Variants in METAP2 observed in about 807,000 individuals in gnomAD.
METAP2 encodes methionyl aminopeptidase 2.
Under a neutral mutation model 59.4 loss-of-function variants are expected in METAP2, and 25 were observed. That is an observed-to-expected ratio of 0.42 (90% CI 0.31 to 0.59). METAP2 has a LOEUF of 0.59. Among genes scored for constraint, METAP2 ranks in the 20% least tolerant of loss-of-function variants. The pLI is 0.16. For missense variants in METAP2, 366 were observed against 581.2 expected (o/e 0.63, Z 3.81); for synonymous variants, 214 against 194.1 (o/e 1.10, Z -0.85).
intron 8 of METAP2, among the ~76,000 whole-genome samples, chr12:95,511,486 G>A (rs2076402668): frequency 6.9e-6 from 1 of 144,456 alleles, no homozygotes; most frequent in South Asian, 2.4e-4. Context: ...CCGCTTCCCG[G>A]GTTCAAGTGA....
intron 3 of METAP2, 47 bp from the exon 4 acceptor site, chr12:95,485,829 TTAA>T: frequency 8.0e-7 from 1 of 1,254,676 alleles, no homozygotes; most frequent in Non-Finnish European, 1.1e-6. Context: ...TAATAACTGC[TTAA>T]TTTTATTTTT....
rs905975444 is a variant in METAP2, at chr12:95,515,699, A to C, written c.*1795A>C. ...ATGATCTTGTAAGTAGGAAAGCTGT[A>C]ACTAAAAATTGTATTGTTTGCTTAT... On this transcript the variant is annotated 3_prime_UTR_variant, in exon 11 of 11. Transcript: ENST00000323666. 3.3e-5 allele frequency: 5 copies of C among 152,210 alleles called. No individual in the cohort carries two copies. The highest frequency in any genetic ancestry group is 1.2e-4 in the African/African-American group (5 of 41,452). The allele number at this position is 152,210 out of a possible 1,614,324, so 9.4% of individuals were successfully genotyped here.
intron 8 of METAP2, among the ~76,000 whole-genome samples, chr12:95,510,307 A>T (rs1352418718): frequency 6.6e-6 from 1 of 152,214 alleles, no homozygotes; most frequent in Non-Finnish European, 1.5e-5. Context: ...GTGCTGCTAC[A>T]GCAGAATACC....
intron 4 of METAP2, among the ~76,000 whole-genome samples, chr12:95,488,957 G>A (rs1010855129): frequency 1.3e-5 from 2 of 152,088 alleles, no homozygotes; most frequent in Non-Finnish European, 2.9e-5. Context: ...ATTAGTTTCT[G>A]AAAATTGACA....
intron 4 of METAP2, among the ~76,000 whole-genome samples, chr12:95,487,995 T>C (rs2076210018): frequency 6.6e-6 from 1 of 152,196 alleles, no homozygotes; most frequent in African/African-American, 2.4e-5. Context: ...GCTGGATATG[T>C]AGGTATTTTT....
chr12:95,507,931 C>T (rs568152941), intron 8 of METAP2, among the ~76,000 whole-genome samples: 3 of 150,608 alleles, frequency 2.0e-5, no homozygotes, highest in African/African-American at 4.9e-5. Context: ...TGCGCCACCA[C>T]GCCCAGCAAT....
In METAP2 at chr12:95,514,195, A is replaced by G. The variant is rs1437260921; in HGVS notation, c.*291A>G. The G allele has an allele frequency of 2.9e-6, 1 of 349,086 alleles. No homozygotes were observed. Among genetic ancestry groups the G allele is most frequent in the East Asian group, 4.9e-5 (1 of 20,272 alleles). The allele number at this position is 349,086 out of a possible 1,614,324, so 21.6% of individuals were successfully genotyped here. A position where few individuals can be genotyped will look rare whatever the true frequency, so the allele number is the denominator to read the frequency against. ...CTTATACGTTTTGTTTTGAATACCT[A>G]AGAGATACTTTTTGGATATTTATAT... On this transcript the variant is annotated 3_prime_UTR_variant, in exon 11 of 11. Coordinates refer to ENST00000323666, the MANE Select transcript of METAP2 (RefSeq NM_006838.4).
Position 95,484,590 on chromosome 12 carries a change from T to C in METAP2, c.326-1289T>C, listed in dbSNP as rs183271984. ...GGAGTGTTGTTAGAGGACTGTTTTA[T>C]ATTTGCCCTTGACAGAATTCTTCTG... On this transcript the variant is annotated intron_variant, in intron 3 of 10. Transcript: ENST00000323666. Among the ~76,000 whole-genome samples the C allele has an allele frequency of 2.9e-3, 445 of 152,300 alleles. 5 individuals carry two copies. Among genetic ancestry groups the C allele is most frequent in the Non-Finnish European group, 5.9e-4 (40 of 68,030 alleles).
At chr12:95,502,789 CCTTAT>C (rs1399737811) in intron 7 of METAP2, among the ~76,000 whole-genome samples, 1 of 151,684 alleles carries the variant, frequency 6.6e-6, no homozygotes, top group Non-Finnish European at 1.5e-5. Context: ...TTTCCCTTGT[CCTTAT>C]CTTCAGGTTT....
intron 2 of METAP2, chr12:95,482,017 A>G (rs1269636978): frequency 2.8e-6 from 1 of 360,652 alleles, no homozygotes; most frequent in African/African-American, 2.1e-5. Context: ...ACAGTGCACG[A>G]TATGTGAATT....
intron 3 of METAP2, chr12:95,484,705 G>T: frequency 2.8e-6 from 1 of 361,332 alleles, no homozygotes; most frequent in South Asian, 2.2e-5. Flanking sequence ...TTCTTTATGA[G>T]GTACTCTTTT....
rs548077007 is a variant in METAP2 at position 95,507,932 on chromosome 12, G to A, written c.964+3771G>A. On this transcript the variant is annotated intron_variant, in intron 8 of 10. Coordinates refer to ENST00000323666, the MANE Select transcript of METAP2 (RefSeq NM_006838.4). ...TAGCTGGGATTACATGCGCCACCACGCCCAGCAATTTTTTTTTTTTTTTTT... is the reference window on the plus strand; with the variant it reads ...TAGCTGGGATTACATGCGCCACCACACCCAGCAATTTTTTTTTTTTTTTTT... Among the ~76,000 whole-genome samples the A allele has an allele frequency of 9.6e-3, 1,417 of 147,414 alleles. 10 individuals carry two copies. Among genetic ancestry groups the A allele is most frequent in the Non-Finnish European group, 0.015 (977 of 67,300 alleles).
At chr12:95,484,813 A>T (rs1423541516) in intron 3 of METAP2, 2 of 446,140 alleles carry the variant, frequency 4.5e-6, no homozygotes, top group Non-Finnish European at 8.9e-6. Flanking sequence ...ATTTTTTTTT[A>T]ATGTTGGCTA....
intron 2 of METAP2, among the ~76,000 whole-genome samples, chr12:95,476,742 C>T (rs1050769531): frequency 7.2e-5 from 11 of 152,052 alleles, no homozygotes; most frequent in Non-Finnish European, 1.3e-4. Context: ...TGGTAGAAGG[C>T]AAAGTAGTGA....
intron 3 of METAP2, among the ~76,000 whole-genome samples, chr12:95,485,381 GATAA>G (rs1428969666): frequency 1.3e-5 from 2 of 152,074 alleles, no homozygotes; most frequent in African/African-American, 2.4e-5. Context: ...AAGTTGGAGT[GATAA>G]ATACTTTGAC....
intron 4 of METAP2, among the ~76,000 whole-genome samples, chr12:95,487,337 A>G (rs2076204722): frequency 6.6e-6 from 1 of 152,034 alleles, no homozygotes; most frequent in Admixed American, 6.6e-5. Flanking sequence ...TAAAACATAG[A>G]AAAAAAGAAA....
At chr12:95,495,436 T>C (rs2140152479) in intron 6 of METAP2, among the ~76,000 whole-genome samples, 1 of 151,726 alleles carries the variant, frequency 6.6e-6, no homozygotes, top group South Asian at 2.1e-4. Flanking sequence ...TACCTTTCTT[T>C]AGGTCATTGT....
At chr12:95,492,588 C>G (rs1181152411) in intron 4 of METAP2, among the ~76,000 whole-genome samples, 1 of 151,292 alleles carries the variant, frequency 6.6e-6, no homozygotes, top group Non-Finnish European at 1.5e-5. Context: ...TTTTTAGAGA[C>G]AGGGTCTTGG....
intron 4 of METAP2, among the ~76,000 whole-genome samples, chr12:95,486,266 A>G (rs1033653941): frequency 1.4e-5 from 2 of 145,828 alleles, no homozygotes; most frequent in African/African-American, 2.6e-5. Context: ...AAATTTGGGT[A>G]TGGTTTAGTA....
Sources: gnomAD v4.1 joint callset for allele counts (sites outside exome capture counted in the v4.1 genomes callset) on GRCh38, gnomAD v4.1.1 for gene constraint, MANE v1.5 for transcripts, NCBI Gene and HGNC (gene_info 2026-07-23, HGNC 2026-07-21) for gene names.